TPR: variants seen among roughly 807,000 people sequenced by gnomAD.
TPR encodes translocated promoter region, nuclear basket protein.
A neutral mutation model predicts 316.1 loss-of-function variants in TPR; 51 were observed. That is an observed-to-expected ratio of 0.16 (90% CI 0.13 to 0.20). The LOEUF (loss-of-function observed/expected upper bound fraction) is 0.20. Ranked by LOEUF, TPR falls within the 10% of genes least tolerant of loss-of-function variation. The probability of loss-of-function intolerance (pLI) is 1.00; values close to 1 mark genes in which losing one functional copy is unlikely to be tolerated. For missense variants in TPR, 2,272 were observed against 2,754.8 expected, an observed-to-expected ratio of 0.82 and a Z score of 3.92; for synonymous variants, 981 against 914.7, an observed-to-expected ratio of 1.07 and a Z score of -1.31.
chr1:186,314,290 C>T (rs61831151), intron 50 of TPR: 129,731 of 423,126 alleles, frequency 0.31, 21,313 homozygotes, highest in Admixed American at 0.39. Context: ...AAAGCTTTAT[C>T]GTGTTGTATA....
rs1658298754 is a variant in TPR at position 186,335,068 on chromosome 1, A to T, written c.4973T>A (p.Ile1658Asn). 6.2e-7 allele frequency: 1 copy of T among 1,612,464 alleles called. No individual in the cohort carries two copies. The highest frequency in any genetic ancestry group is 2.2e-5 in the East Asian group (1 of 44,848). Residue 1658 changes from isoleucine to asparagine, a missense_variant and splice_region_variant, in exon 35 of 51, where the codon ATT (isoleucine) becomes AAT (asparagine). By Grantham distance (149) the Ile-to-Asn change is moderately radical. Transcript: ENST00000367478. ...AGACTATGAAATAACTAAAACTCAC[A>T]TTCCTCTTTCACCAGAAGCTGGAGT... ...KTTPASGERG[I>N]ASTSDPPTAN...
chr1:186,325,206 A>G (rs1332376004), intron 42 of TPR, among the ~76,000 whole-genome samples: 3 of 152,160 alleles, frequency 2.0e-5, no homozygotes, highest in Non-Finnish European at 4.4e-5. Flanking sequence ...GTTATCTATT[A>G]CCAGATAATC....
chr1:186,354,450 T>G (rs1045953183), intron 17 of TPR, among the ~76,000 whole-genome samples: 1 of 152,198 alleles, frequency 6.6e-6, no homozygotes, highest in Non-Finnish European at 1.5e-5. Flanking sequence ...TTTTATTTTC[T>G]TATGTGCTTG....
At chr1:186,368,725 T>C (rs1659416481) in intron 3 of TPR, among the ~76,000 whole-genome samples, 1 of 152,266 alleles carries the variant, frequency 6.6e-6, no homozygotes, top group South Asian at 2.1e-4. Context: ...TGCCTTTTAA[T>C]ATTCTTGTTT....
chr1:186,340,824 TATATA>T (rs553135592), intron 29 of TPR, among the ~76,000 whole-genome samples, 199 bp downstream of exon 29: 67 of 152,268 alleles, frequency 4.4e-4, no homozygotes, highest in South Asian at 8.3e-4. Flanking sequence ...TTTAGAAATA[TATATA>T]ATATAACCAA....
rs1659061695 is a variant in TPR at position 186,357,407 on chromosome 1, T to G, written c.1714A>C (p.Thr572Pro). ...ETREREEQET[T>P]SSKITELQLK... ...TATGTGACTACTTACTTGGATGAAG[T>G]TGTTTCTTGTTCTTCTCTTTCTCTG... Residue 572 changes from threonine (T) to proline (P), a missense_variant, in exon 14 of 51, where the codon ACT becomes CCT. Thr to Pro is a conservative substitution (Grantham distance 38). Transcript: ENST00000367478. The G allele has an allele frequency of 6.2e-7, 1 of 1,613,602 alleles. No homozygotes were observed. Among genetic ancestry groups the G allele is most frequent in the Non-Finnish European group, 8.5e-7 (1 of 1,179,926 alleles).
At position 186,338,106 on chromosome 1, in the gene TPR, G is replaced by C; in HGVS notation, c.4289C>G (p.Thr1430Ser). The C allele has an allele frequency of 1.2e-6, 2 of 1,612,544 alleles. No homozygotes were observed. Among genetic ancestry groups the C allele is most frequent in the Non-Finnish European group, 1.7e-6 (2 of 1,179,464 alleles). The change falls in exon 31 of 51, where the codon ACT becomes AGT. Residue 1430 changes from threonine to serine, a missense_variant. Thr to Ser is a moderately conservative substitution (Grantham distance 58). Transcript: ENST00000367478. Reference sequence around the variant, plus strand: ...TCCAATTTTCTTAACTTGAGTAATAGTTTTGACTTTTTCTTGGATATCAAT... The same window carrying C: ...TCCAATTTTCTTAACTTGAGTAATACTTTTGACTTTTTCTTGGATATCAAT... ...KIIDIQEKVK[T>S]ITQVKKIGRR...
In TPR at chr1:186,357,567, A is replaced by T. The variant is rs201040951; in HGVS notation, c.1554T>A (p.Asp518Glu). ...TTATATCAGCAGAGCTTACTTCCTCATCACGAATTACGTGGTTACCCCTTG... is the reference window on the plus strand; with the variant it reads ...TTATATCAGCAGAGCTTACTTCCTCTTCACGAATTACGTGGTTACCCCTTG... ...EEARGNHVIR[D>E]EEVSSADISS... The change falls in exon 14 of 51, where the codon GAT (aspartate) becomes GAA (glutamate). Residue 518 changes from aspartate (D) to glutamate (E), a missense_variant. By Grantham distance (45) the Asp-to-Glu change is conservative. Transcript: ENST00000367478. 5.1e-5 allele frequency: 82 copies of T among 1,613,996 alleles called. 1 individual carries two copies. Among genetic ancestry groups the T allele is most frequent in the Non-Finnish European group, 6.7e-5 (79 of 1,180,024 alleles).
rs1233905875 is a variant in TPR at position 186,312,004 on chromosome 1, TAATA to T, written c.*1963_*1966del. 1.8e-4 allele frequency: 106 copies of T among 600,872 alleles called. No homozygotes were observed. Among genetic ancestry groups the T allele is most frequent in the Non-Finnish European group, 2.8e-4 (98 of 347,514 alleles). 37.2% of individuals were successfully genotyped at this position (600,872 alleles called of 1,614,324 possible). Reference sequence around the variant, plus strand: ...TATTCATTCAACAAGTATTTCAGTTTAATAATTATTTTTATAATACCCTTGACTA... The same window carrying T: ...TATTCATTCAACAAGTATTTCAGTTTATTATTTTTATAATACCCTTGACTA... On this transcript the variant is annotated 3_prime_UTR_variant, in exon 51 of 51. Coordinates refer to ENST00000367478, the MANE Select transcript of TPR (RefSeq NM_003292.3).
intron 49 of TPR, among the ~76,000 whole-genome samples, chr1:186,316,449 T>C (rs545678483): frequency 2.0e-4 from 30 of 152,298 alleles, no homozygotes; most frequent in African/African-American, 7.0e-4. Context: ...AGTTCTGTGA[T>C]TTAAAAAAGT....
chr1:186,345,744 T>C (rs1390125377), intron 23 of TPR, 48 bp from the exon 24 acceptor site: 1 of 1,360,864 alleles, frequency 7.3e-7, no homozygotes, highest in Non-Finnish European at 1.0e-6. Context: ...GCAAACTTAC[T>C]TGGAAAATAC....
At position 186,312,681 on chromosome 1, in the gene TPR, C is replaced by G; in HGVS notation, c.*1290G>C. 7.1e-7 allele frequency: 1 copy of G among 1,412,866 alleles called. No individual in the cohort carries two copies. The highest frequency in any genetic ancestry group is 1.0e-6 in the Non-Finnish European group (1 of 1,000,028). 87.5% of individuals were successfully genotyped at this position (1,412,866 alleles called of 1,614,324 possible). ...ATAGTTCTACATCAGAGGGCTAAAA[C>G]TGAGATTAAAACTCAGATGTCTGGC... On this transcript the variant is annotated 3_prime_UTR_variant, in exon 51 of 51. Coordinates refer to ENST00000367478, the MANE Select transcript of TPR (RefSeq NM_003292.3).
chr1:186,330,947 T>C (rs544927065), intron 39 of TPR, among the ~76,000 whole-genome samples: 1 of 152,216 alleles, frequency 6.6e-6, no homozygotes, highest in African/African-American at 2.4e-5. Context: ...AGGGAATTAA[T>C]GATATGCTTA....
Position 186,373,470 on chromosome 1 carries a change from C to T in TPR, c.152-7G>A. 6.3e-7 allele frequency: 1 copy of T among 1,598,884 alleles called. No individual in the cohort carries two copies. The highest frequency in any genetic ancestry group is 1.7e-5 in the Admixed American group (1 of 58,078). On this transcript the variant is annotated splice_polypyrimidine_tract_variant and splice_region_variant and intron_variant, in intron 1 of 50. Transcript: ENST00000367478. ...ATTTCAAAATACTGTTGTTCTACAG[C>T]AGACAAGCAAAAAACAAAAAACAAA...
chr1:186,356,499 A>G lies in TPR; in HGVS notation c.1725-50T>C, dbSNP rs2101980281. The stretch of plus-strand genomic sequence containing the variant: ...ACAGGACTGAACTGAGAGTTAACTG[A>G]TTGTAATTTCTACTGTAATTAACCA... On this transcript the variant is annotated intron_variant, in intron 14 of 50. Transcript: ENST00000367478. 3 of 1,510,532 alleles carry G rather than the reference A, an allele frequency of 2.0e-6. No individual in the cohort carries two copies. The East Asian group carries it at 7.0e-5, about 35-fold the overall frequency. 93.6% of individuals were successfully genotyped at this position (1,510,532 alleles called of 1,614,324 possible). A position where few individuals can be genotyped will look rare whatever the true frequency, so the allele number is the denominator to read the frequency against.
At position 186,365,102 on chromosome 1, in the gene TPR, C is replaced by CTTTTTTTTTTT. The variant is rs61369492; in HGVS notation, c.428-1668_428-1658dup. Among the ~76,000 whole-genome samples, 2 of 137,190 alleles carry CTTTTTTTTTTT rather than the reference C, an allele frequency of 1.5e-5. 1 individual carries two copies. The highest frequency in any genetic ancestry group is 3.1e-5 in the Non-Finnish European group (2 of 64,500). 90.0% of individuals were successfully genotyped at this position (137,190 alleles called of 152,430 possible). On this transcript the variant is annotated intron_variant, in intron 4 of 50. Transcript: ENST00000367478. ...GTACCTTGCTAGTAAAGGGGCTGCC[C>CTTTTTTTTTTT]TTTTTTTTTTTTGGAGACAGTCTCG...
At chr1:186,360,530 A>T (rs1169252605) in intron 10 of TPR, among the ~76,000 whole-genome samples, 166 bp from the exon 11 acceptor site, 2 of 152,078 alleles carry the variant, frequency 1.3e-5, no homozygotes, top group Admixed American at 1.3e-4. Flanking sequence ...ATTCTAAAAA[A>T]TCATGCAATA....
chr1:186,373,537 T>C (rs1659595258), intron 1 of TPR, 74 bp from the exon 2 acceptor site: 5 of 826,628 alleles, frequency 6.0e-6, no homozygotes, highest in Non-Finnish European at 9.6e-6. Flanking sequence ...GTTATTTATT[T>C]CTAATAACCT....
intron 21 of TPR, 39 bp from the exon 22 acceptor site, chr1:186,347,497 A>T: frequency 6.2e-7 from 1 of 1,601,810 alleles, no homozygotes; most frequent in Non-Finnish European, 8.5e-7. Flanking sequence ...TAACATTTTC[A>T]ATAGTATTAG....
Sources: allele counts gnomAD v4.1 joint callset (sites outside exome capture counted in the v4.1 genomes callset), GRCh38; gene constraint gnomAD v4.1.1; transcripts MANE v1.5; gene names NCBI Gene and HGNC (gene_info 2026-07-23, HGNC 2026-07-21).